Variants in ITGA9 observed in about 807,000 individuals in gnomAD.
The protein encoded by ITGA9 is integrin alpha-9.
ITGA9 carries 56 observed loss-of-function variants against 127.8 expected under a neutral mutation model. The observed-to-expected ratio is 0.44, with a 90% CI of 0.35 to 0.55. The LOEUF is 0.55. Ranked by LOEUF, ITGA9 falls within the 20% of genes least tolerant of loss-of-function variation. ITGA9 has a pLI of 0.00. For synonymous variants in ITGA9, 508 were observed against 514.5 expected, an observed-to-expected ratio of 0.99 and a Z score of 0.17; for missense variants, 1,196 against 1,347.1, an observed-to-expected ratio of 0.89 and a Z score of 1.76.
chr3:37,662,676 C>A (rs1276278306), intron 17 of ITGA9, among the ~76,000 whole-genome samples: 1 of 152,182 alleles, frequency 6.6e-6, no homozygotes, highest in Admixed American at 6.5e-5. Context: ...ATGGTGCCCC[C>A]CTCCCAGGGC....
chr3:37,619,393 T>C (rs1030414325), intron 15 of ITGA9, among the ~76,000 whole-genome samples: 1 of 152,154 alleles, frequency 6.6e-6, no homozygotes, highest in Non-Finnish European at 1.5e-5. Flanking sequence ...CAGAGATTTA[T>C]TGGGGGAGTG....
intron 25 of ITGA9, among the ~76,000 whole-genome samples, chr3:37,781,100 A>G (rs2125552042): frequency 6.6e-6 from 1 of 152,314 alleles, no homozygotes; most frequent in East Asian, 1.9e-4. Context: ...TTGTTTGGCC[A>G]TTTAAGTTTC....
chr3:37,648,966 G>C (rs1294964560), intron 16 of ITGA9, among the ~76,000 whole-genome samples: 1 of 151,690 alleles, frequency 6.6e-6, no homozygotes, highest in Non-Finnish European at 1.5e-5. Flanking sequence ...GGAGCAGAGG[G>C]AAAATCAGAG....
At chr3:37,480,623 TA>T (rs1047773138) in intron 3 of ITGA9, among the ~76,000 whole-genome samples, 8 of 152,068 alleles carry the variant, frequency 5.3e-5, no homozygotes, top group African/African-American at 1.9e-4. Context: ...TAAGTTTCCA[TA>T]AAAAAACAAC....
chr3:37,608,577 T>C (rs1699990110), intron 15 of ITGA9, among the ~76,000 whole-genome samples: 1 of 152,216 alleles, frequency 6.6e-6, no homozygotes, highest in Non-Finnish European at 1.5e-5. Flanking sequence ...AGATAGTACA[T>C]TGGCATTTGT....
At chr3:37,587,378 T>A (rs762177795) in intron 15 of ITGA9, among the ~76,000 whole-genome samples, 10 of 152,218 alleles carry the variant, frequency 6.6e-5, no homozygotes, top group Non-Finnish European at 1.5e-4. Context: ...AATTTCAAGC[T>A]TCTTGTTATT....
In ITGA9 at chr3:37,503,265, C is replaced by G; in HGVS notation, c.700C>G (p.Leu234Val). Residue 234 changes from leucine to valine, a missense_variant, in exon 6 of 28, where the codon CTG (leucine) becomes GTG (valine). Leu to Val is a conservative substitution (Grantham distance 32). Transcript: ENST00000264741. ...CCTTACGGACAACACCTATTTAAAA[C>G]TGAACGACGAAGTGATCATGAACAG... The part of the protein sequence containing the change: ...LNLTDNTYLK[L>V]NDEVIMNRRY... 1.2e-6 allele frequency: 2 copies of G among 1,614,114 alleles called. No homozygotes were observed. The highest frequency in any genetic ancestry group is 1.7e-6 in the Non-Finnish European group (2 of 1,180,000).
chr3:37,653,884 G>A (rs1249716889), intron 17 of ITGA9, 94 bp downstream of exon 17: 2 of 877,224 alleles, frequency 2.3e-6, no homozygotes, highest in Non-Finnish European at 3.9e-6. Context: ...CCACTGAAGA[G>A]GATAAACAGA....
chr3:37,728,138 T>G (rs1227610748), intron 18 of ITGA9, among the ~76,000 whole-genome samples: 1 of 152,172 alleles, frequency 6.6e-6, no homozygotes, highest in Admixed American at 6.5e-5. Context: ...ATGCTAATGT[T>G]AAGTTCTCTA....
intron 16 of ITGA9, among the ~76,000 whole-genome samples, chr3:37,636,566 C>G (rs1431359335): frequency 6.6e-6 from 1 of 152,094 alleles, no homozygotes; most frequent in Non-Finnish European, 1.5e-5. Context: ...CAGAAATTTT[C>G]TCCCATTCTG....
chr3:37,804,531 A>G (rs1465153216), intron 27 of ITGA9, among the ~76,000 whole-genome samples: 1 of 152,188 alleles, frequency 6.6e-6, no homozygotes, highest in African/African-American at 2.4e-5. Flanking sequence ...TGTTTGCCTC[A>G]CACTCTCCTT....
At chr3:37,717,169 G>C (rs1377322669) in intron 18 of ITGA9, among the ~76,000 whole-genome samples, 3 of 152,176 alleles carry the variant, frequency 2.0e-5, no homozygotes, top group African/African-American at 7.2e-5. Flanking sequence ...AGCTTCTGAG[G>C]ACAGGGCTAT....
intron 18 of ITGA9, among the ~76,000 whole-genome samples, chr3:37,693,986 T>A (rs139394258): frequency 6.6e-6 from 1 of 152,350 alleles, no homozygotes; most frequent in East Asian, 1.9e-4. Context: ...CTGCTTGCCC[T>A]GGTAAGAGAG....
chr3:37,534,739 G>A (rs976072916), intron 14 of ITGA9, among the ~76,000 whole-genome samples: 1 of 152,242 alleles, frequency 6.6e-6, no homozygotes, highest in South Asian at 2.1e-4. Context: ...GAACTGGTTA[G>A]TGAGGGAGGA....
chr3:37,803,583 G>A (rs1457093959), intron 26 of ITGA9, among the ~76,000 whole-genome samples: 14 of 152,158 alleles, frequency 9.2e-5, no homozygotes, highest in Admixed American at 5.2e-4. Context: ...TCAGGAGTTC[G>A]AGACCAGCCT....
rs1300384363 is a variant in ITGA9, at chr3:37,715,729, C to A, written c.2068-16983C>A. ...CTTGAAACTGGCTGCCCCATTGAAGCATGAGATAGGACGAGAGATTCCCAG... is the reference window on the plus strand; with the variant it reads ...CTTGAAACTGGCTGCCCCATTGAAGAATGAGATAGGACGAGAGATTCCCAG... On this transcript the variant is annotated intron_variant, in intron 18 of 27. Transcript: ENST00000264741. 4.6e-5 allele frequency among the ~76,000 whole-genome samples: 7 copies of A among 152,300 alleles called. No homozygotes were observed. In the South Asian group the frequency reaches 1.2e-3, roughly 27 times the overall value.
intron 15 of ITGA9, among the ~76,000 whole-genome samples, chr3:37,544,091 C>T (rs933612810): frequency 9.2e-5 from 14 of 152,240 alleles, no homozygotes; most frequent in South Asian, 2.1e-4. Context: ...CATCTTCTCT[C>T]GGGCCTCTTC....
intron 15 of ITGA9, among the ~76,000 whole-genome samples, chr3:37,624,483 G>A (rs1700158005): frequency 6.6e-6 from 1 of 152,042 alleles, no homozygotes; most frequent in African/African-American, 2.4e-5. Flanking sequence ...TCCTTAGCCT[G>A]TTTCTCCCCA....
intron 15 of ITGA9, among the ~76,000 whole-genome samples, chr3:37,626,918 G>A (rs773064043): frequency 5.3e-5 from 8 of 152,188 alleles, no homozygotes; most frequent in Non-Finnish European, 1.0e-4. Context: ...CAGCCTTAGG[G>A]AAACACTGAA....
Sources: allele counts gnomAD v4.1 joint callset (sites outside exome capture counted in the v4.1 genomes callset), GRCh38; gene constraint gnomAD v4.1.1; transcripts MANE v1.5; gene names NCBI Gene and HGNC (gene_info 2026-07-23, HGNC 2026-07-21).